FAM228B: variants seen among roughly 807,000 people sequenced by gnomAD.
FAM228B encodes the protein family with sequence similarity 228 member B, also known as protein FAM228B.
A neutral mutation model predicts 42.6 loss-of-function variants in FAM228B; 38 were observed. The observed-to-expected ratio is 0.89, with a 90% CI of 0.69 to 1.17. The LOEUF (loss-of-function observed/expected upper bound fraction) is 1.17. Among genes scored for constraint, FAM228B ranks in the 50% most tolerant of loss-of-function variants. The pLI is 0.00. For missense variants in FAM228B, 344 were observed against 367.3 expected (o/e 0.94, Z 0.52); for synonymous variants, 109 against 122.3 (o/e 0.89, Z 0.72).
chr2:24,106,179 A>G (rs1665694100), intron 3 of FAM228B, among the ~76,000 whole-genome samples: 2 of 152,198 alleles, frequency 1.3e-5, no homozygotes, highest in Admixed American at 1.3e-4. Flanking sequence ...TCCAAAGTTT[A>G]CATGAAAGAA....
chr2:24,122,321 C>T (rs571107087), upstream of FAM228B: 478 of 836,838 alleles, frequency 5.7e-4, 1 homozygote, highest in Non-Finnish European at 8.7e-4. Context: ...AGTGAAATTC[C>T]GTCTCAAAAA....
intron 2 of FAM228B, chr2:24,083,179 G>A: frequency 6.4e-7 from 1 of 1,566,280 alleles, no homozygotes; most frequent in Non-Finnish European, 8.7e-7. Flanking sequence ...GCACTAAGTG[G>A]TGAGCATGAT....
intron 1 of FAM228B, among the ~76,000 whole-genome samples, chr2:24,078,311 G>A (rs765925874): frequency 4.6e-5 from 7 of 151,690 alleles, no homozygotes; most frequent in Non-Finnish European, 8.8e-5. Flanking sequence ...TACTTTGGCC[G>A]AATCACTTGA....
At chr2:24,103,787 G>T (rs1031954666) in intron 3 of FAM228B, among the ~76,000 whole-genome samples, 2 of 152,178 alleles carry the variant, frequency 1.3e-5, no homozygotes, top group Non-Finnish European at 2.9e-5. Flanking sequence ...GTGGAGCGCG[G>T]GTCTACAGCT....
intron 3 of FAM228B, chr2:24,097,193 G>A (rs901247484): frequency 2.0e-5 from 3 of 152,100 alleles, no homozygotes; most frequent in Non-Finnish European, 2.9e-5. Context: ...AAAGACCATC[G>A]ATGCTATGAA....
chr2:24,126,379 A>C (rs1666308714), intron 2 of FAM228B, among the ~76,000 whole-genome samples: 1 of 152,214 alleles, frequency 6.6e-6, no homozygotes, highest in African/African-American at 2.4e-5. Context: ...AACTCAAGAC[A>C]TTTTAAAAAG....
At chr2:24,104,058 GA>G (rs1336947764) in intron 3 of FAM228B, among the ~76,000 whole-genome samples, 3 of 152,186 alleles carry the variant, frequency 2.0e-5, no homozygotes, top group African/African-American at 7.2e-5. Context: ...CCGATCATCT[GA>G]AAAACCACGT....
chr2:24,140,807 C>A (rs10204625), intron 5 of FAM228B, among the ~76,000 whole-genome samples: 2 of 151,362 alleles, frequency 1.3e-5, no homozygotes, highest in African/African-American at 2.4e-5. Flanking sequence ...ACTAAAAATA[C>A]AAAAATTAGC....
chr2:24,106,285 C>CAGAAG (rs1301195850), intron 3 of FAM228B, among the ~76,000 whole-genome samples: 1 of 150,062 alleles, frequency 6.7e-6, no homozygotes, highest in Non-Finnish European at 1.5e-5. Context: ...CCCTAAAAGC[C>CAGAAG]AGAAGAGACT....
rs192161676 is a variant in FAM228B, at chr2:24,100,973, C to T, written c.-121+5744C>T. Among the ~76,000 whole-genome samples the T allele has an allele frequency of 5.3e-3, 807 of 152,118 alleles. 25 individuals are homozygous for T. The highest frequency in any genetic ancestry group is 0.048 in the Admixed American group (739 of 15,278). On this transcript the variant is annotated intron_variant, in intron 3 of 10. Coordinates refer to the FAM228B transcript ENST00000613899. ...TTCATGTCCTTTGCAGGGACATGGA[C>T]GAAGGTGGAAACCATCATTCTCAGT... is the stretch of plus-strand genomic sequence containing the variant.
chr2:24,079,700 T>G, intron 1 of FAM228B: 1 of 1,511,572 alleles, frequency 6.6e-7, no homozygotes, highest in Non-Finnish European at 9.1e-7. Flanking sequence ...GATACCATGG[T>G]ATATTTGGGG....
At chr2:24,140,878 C>T (rs762696909) in intron 5 of FAM228B, among the ~76,000 whole-genome samples, 6 of 150,940 alleles carry the variant, frequency 4.0e-5, no homozygotes, top group African/African-American at 1.2e-4. Context: ...AGGAGAATCA[C>T]GTGAACCCGG....
At chr2:24,155,636 G>A (rs1237404096) in intron 7 of FAM228B, among the ~76,000 whole-genome samples, 1 of 143,088 alleles carries the variant, frequency 7.0e-6, no homozygotes, top group African/African-American at 2.7e-5. Flanking sequence ...TGCCTCCCCA[G>A]TTCAAGCAAT....
intron 3 of FAM228B, among the ~76,000 whole-genome samples, chr2:24,106,316 C>CTTTTTTTTTTTTTTTTTTTT (rs386389714): frequency 9.4e-6 from 1 of 106,394 alleles, no homozygotes; most frequent in Non-Finnish European, 1.8e-5. Context: ...ATTCAGCATT[C>CTTTTTTTTTTTTTTTTTTTT]TTTTTTTTTT....
intron 5 of FAM228B, among the ~76,000 whole-genome samples, chr2:24,142,015 C>G (rs1666763730): frequency 6.6e-6 from 1 of 152,140 alleles, no homozygotes; most frequent in African/African-American, 2.4e-5. Flanking sequence ...AGATCCAGGT[C>G]CTTGCCCATG....
At chr2:24,166,020 C>G (rs1013323824) in intron 9 of FAM228B, 1 of 112,628 alleles carries the variant, frequency 8.9e-6, no homozygotes, top group African/African-American at 3.2e-5. Context: ...CCAGCTTGGG[C>G]AACAAGAGCA....
chr2:24,158,807 A>G (rs1215140364), intron 7 of FAM228B, among the ~76,000 whole-genome samples: 1 of 152,170 alleles, frequency 6.6e-6, no homozygotes, highest in Non-Finnish European at 1.5e-5. Context: ...AGTTTTGAGA[A>G]TTGTTATCCT....
chr2:24,145,561 G>A (rs576638729), intron 5 of FAM228B, among the ~76,000 whole-genome samples: 1 of 152,130 alleles, frequency 6.6e-6, no homozygotes, highest in Non-Finnish European at 1.5e-5. Flanking sequence ...CACAAGAAAC[G>A]TGAAAAAGCA....
intron 2 of FAM228B, among the ~76,000 whole-genome samples, chr2:24,127,098 A>AC (rs1045993091): frequency 3.3e-5 from 5 of 151,630 alleles, no homozygotes; most frequent in Non-Finnish European, 5.9e-5. Flanking sequence ...TTTAGCAGTC[A>AC]CCCCCCATTC....
Sources: gnomAD v4.1 joint callset for allele counts (sites outside exome capture counted in the v4.1 genomes callset) on GRCh38, gnomAD v4.1.1 for gene constraint, MANE v1.5 for transcripts, NCBI Gene and HGNC (gene_info 2026-07-23, HGNC 2026-07-21) for gene names.